ACER3: variants seen among roughly 807,000 people sequenced by gnomAD.
ACER3 encodes alkCDase 3.
ACER3 carries 16 observed loss-of-function variants against 48.9 expected under a neutral mutation model. The observed-to-expected ratio is 0.33, with a 90% CI of 0.22 to 0.50. The LOEUF is 0.50. Ranked by LOEUF, ACER3 falls within the 20% of genes least tolerant of loss-of-function variation. The pLI is 0.98. For synonymous variants in ACER3, 109 were observed against 107.8 expected, an observed-to-expected ratio of 1.01 and a Z score of -0.07; for missense variants, 227 against 326.0, an observed-to-expected ratio of 0.70 and a Z score of 2.34.
chr11:76,890,529 T>C (rs900804517), intron 1 of ACER3, among the ~76,000 whole-genome samples: 3 of 152,308 alleles, frequency 2.0e-5, no homozygotes, highest in Admixed American at 6.5e-5. Context: ...ATGAATCAGC[T>C]CACATAACTA....
At chr11:76,998,873 A>G in intron 7 of ACER3, 52 bp downstream of exon 7, 1 of 1,392,666 alleles carries the variant, frequency 7.2e-7, no homozygotes. Flanking sequence ...CAGACCTATA[A>G]CAGTAAATCT....
In ACER3 at chr11:76,971,991, G is replaced by C. The variant is rs375173017; in HGVS notation, c.268-4298G>C. ...CCTCTACAGATGCACATCTCCCCTAGAAAAGACAGCTTTTTAGCTATTCTT... is the reference window on the plus strand; with the variant it reads ...CCTCTACAGATGCACATCTCCCCTACAAAAGACAGCTTTTTAGCTATTCTT... On this transcript the variant is annotated intron_variant, in intron 3 of 10. Transcript: ENST00000532485. 1.3e-4 allele frequency among the ~76,000 whole-genome samples: 20 copies of C among 152,308 alleles called. No homozygotes were observed. The East Asian group carries it at 2.9e-3, about 22-fold the overall frequency.
At chr11:77,004,514 T>G (rs1949094618) in intron 7 of ACER3, among the ~76,000 whole-genome samples, 1 of 152,238 alleles carries the variant, frequency 6.6e-6, no homozygotes, top group Non-Finnish European at 1.5e-5. Context: ...AGAAAAATAC[T>G]GAAGTCTCCA....
In ACER3 at chr11:76,860,965, G is replaced by T; in HGVS notation, c.-12G>T. 1 of 1,523,516 alleles carries T rather than the reference G, an allele frequency of 6.6e-7. No homozygotes were observed. The highest frequency in any genetic ancestry group is 8.8e-7 in the Non-Finnish European group (1 of 1,135,332). The allele number at this position is 1,523,516 out of a possible 1,614,324, so 94.4% of individuals were successfully genotyped here. A position where few individuals can be genotyped will look rare whatever the true frequency, so the allele number is the denominator to read the frequency against. On this transcript the variant is annotated 5_prime_UTR_variant, in exon 1 of 11. Transcript: ENST00000532485. ...GTGAGCGGAGCGCCTGGGCGGCGGC[G>T]GCGGCGGCGTGATGGCTCCGGCCGC...
At chr11:76,967,937 G>T (rs1217081169) in intron 3 of ACER3, among the ~76,000 whole-genome samples, 1 of 152,046 alleles carries the variant, frequency 6.6e-6, no homozygotes, top group Non-Finnish European at 1.5e-5. Context: ...GGAAGTTCTG[G>T]CCAGGGCAAT....
intron 1 of ACER3, among the ~76,000 whole-genome samples, chr11:76,906,681 C>T (rs1179929566): frequency 2.0e-5 from 3 of 152,024 alleles, no homozygotes; most frequent in Admixed American, 6.6e-5. Context: ...CAAGAAGAAC[C>T]CCTCAGGCAA....
intron 4 of ACER3, 65 bp downstream of exon 4, chr11:76,976,406 T>A: frequency 1.2e-6 from 1 of 863,666 alleles, no homozygotes; most frequent in Non-Finnish European, 1.8e-6. Flanking sequence ...CATAGTGGAT[T>A]AATATAACTG....
chr11:77,002,560 T>C (rs1486661300), intron 7 of ACER3, among the ~76,000 whole-genome samples: 1 of 152,212 alleles, frequency 6.6e-6, no homozygotes, highest in Non-Finnish European at 1.5e-5. Context: ...TAGTTTTTAT[T>C]TTTTGTCCTG....
At chr11:76,866,826 C>T (rs1243284418) in intron 1 of ACER3, among the ~76,000 whole-genome samples, 2 of 152,166 alleles carry the variant, frequency 1.3e-5, no homozygotes, top group East Asian at 3.8e-4. Flanking sequence ...ACTCTTTCTA[C>T]CAAGACATAC....
intron 1 of ACER3, among the ~76,000 whole-genome samples, chr11:76,890,360 G>A (rs1157054238): frequency 6.6e-6 from 1 of 152,320 alleles, no homozygotes; most frequent in East Asian, 1.9e-4. Context: ...ATTTAGCGCA[G>A]AGTCTAATAT....
chr11:76,875,480 A>C (rs901330322), intron 1 of ACER3, among the ~76,000 whole-genome samples: 4 of 152,092 alleles, frequency 2.6e-5, no homozygotes, highest in African/African-American at 9.7e-5. Flanking sequence ...TTCTTCAGTG[A>C]ATATCCATTC....
In ACER3 at chr11:77,025,673, TG is replaced by T. The variant is rs1222113482; in HGVS notation, c.*5348del. ...CACCTGCCTTGGCCTCCCAAAGTCCTGGAATTACAGGCGTGAGCTACCGTGC... is the reference window on the plus strand; with the variant it reads ...CACCTGCCTTGGCCTCCCAAAGTCCTGAATTACAGGCGTGAGCTACCGTGC... On this transcript the variant is annotated 3_prime_UTR_variant, in exon 11 of 11. Coordinates refer to ENST00000532485, the MANE Select transcript of ACER3 (RefSeq NM_018367.7). The T allele has an allele frequency of 4.5e-4, 69 of 152,194 alleles. No individual in the cohort carries two copies. The highest frequency in any genetic ancestry group is 4.5e-3 in the Admixed American group (69 of 15,276). The allele number at this position is 152,194 out of a possible 1,614,324, so 9.4% of individuals were successfully genotyped here. A position where few individuals can be genotyped will look rare whatever the true frequency, so the allele number is the denominator to read the frequency against.
At chr11:76,967,640 G>T (rs1443949239) in intron 3 of ACER3, among the ~76,000 whole-genome samples, 1 of 150,280 alleles carries the variant, frequency 6.7e-6, no homozygotes, top group Non-Finnish European at 1.5e-5. Flanking sequence ...GTTCAACATA[G>T]GCAAATCAAT....
chr11:76,993,455 T>C (rs1237833359), intron 6 of ACER3, among the ~76,000 whole-genome samples: 1 of 152,194 alleles, frequency 6.6e-6, no homozygotes, highest in East Asian at 1.9e-4. Flanking sequence ...AATACAGACT[T>C]GTAAAAATTA....
chr11:77,005,530 G>T (rs1172212955), intron 7 of ACER3, among the ~76,000 whole-genome samples: 1 of 152,014 alleles, frequency 6.6e-6, no homozygotes, highest in Non-Finnish European at 1.5e-5. Flanking sequence ...AGTTCTAGAG[G>T]CTAGAAGTCC....
At chr11:76,984,729 T>C (rs1486261855) in intron 4 of ACER3, among the ~76,000 whole-genome samples, 1 of 152,248 alleles carries the variant, frequency 6.6e-6, no homozygotes, top group African/African-American at 2.4e-5. Flanking sequence ...GAGACAATTA[T>C]AATAGACTAC....
intron 1 of ACER3, among the ~76,000 whole-genome samples, chr11:76,884,091 A>G (rs1190794486): frequency 1.3e-5 from 2 of 152,206 alleles, no homozygotes; most frequent in Non-Finnish European, 2.9e-5. Context: ...TTTGGTTTAC[A>G]GCTCTATAGT....
intron 7 of ACER3, chr11:77,011,296 C>T: frequency 2.0e-6 from 2 of 984,918 alleles, no homozygotes; most frequent in Non-Finnish European, 2.4e-6. Flanking sequence ...GCCCTGCTAC[C>T]TGGATAACCA....
At chr11:76,939,621 G>A (rs1422329420) in intron 2 of ACER3, among the ~76,000 whole-genome samples, 1 of 151,892 alleles carries the variant, frequency 6.6e-6, no homozygotes, top group East Asian at 1.9e-4. Flanking sequence ...AAAAACAAAG[G>A]TACAAACTGA....
Sources: allele counts gnomAD v4.1 joint callset (sites outside exome capture counted in the v4.1 genomes callset), GRCh38; gene constraint gnomAD v4.1.1; transcripts MANE v1.5; gene names NCBI Gene and HGNC (gene_info 2026-07-23, HGNC 2026-07-21).